Variants in AJAP1 observed in about 807,000 individuals in gnomAD.
The protein encoded by AJAP1 is adherens junctions associated protein 1.
AJAP1 carries 5 observed loss-of-function variants against 35.0 expected under a neutral mutation model. The ratio of observed to expected loss-of-function variants is 0.14; its 90% CI spans 0.07 to 0.30. AJAP1 has a LOEUF of 0.30. Ranked by LOEUF, AJAP1 falls within the 10% of genes least tolerant of loss-of-function variation. The pLI is 1.00. For missense variants in AJAP1, 586 were observed against 571.0 expected (o/e 1.03, Z -0.27); for synonymous variants, 284 against 249.3 (o/e 1.14, Z -1.31).
intron 2 of AJAP1, among the ~76,000 whole-genome samples, chr1:4,757,531 G>T (rs1266361687): frequency 6.6e-6 from 1 of 152,240 alleles, no homozygotes; most frequent in Non-Finnish European, 1.5e-5. Context: ...CCTGGCATGA[G>T]TGTGGCTGGA....
At chr1:4,701,194 G>T (rs1639980274) in intron 1 of AJAP1, among the ~76,000 whole-genome samples, 1 of 152,254 alleles carries the variant, frequency 6.6e-6, no homozygotes, top group Non-Finnish European at 1.5e-5. Context: ...GGGGAAAGGG[G>T]ATGGGAGTGG....
intron 2 of AJAP1, among the ~76,000 whole-genome samples, chr1:4,716,033 T>C (rs1215460574): frequency 6.6e-6 from 1 of 152,272 alleles, no homozygotes; most frequent in Non-Finnish European, 1.5e-5. Context: ...TTATAAATTT[T>C]ATTTTTGTTT....
chr1:4,766,156 G>A (rs1641679356), intron 2 of AJAP1, among the ~76,000 whole-genome samples: 1 of 152,166 alleles, frequency 6.6e-6, no homozygotes, highest in Non-Finnish European at 1.5e-5. Flanking sequence ...GCCTGTTTTT[G>A]GAAATGAAGT....
chr1:4,655,173 CG>C lies in AJAP1; in HGVS notation c.-251del, dbSNP rs1638848333. The C allele has an allele frequency of 1.3e-5, 2 of 148,788 alleles. No individual in the cohort carries two copies. Among genetic ancestry groups the C allele is most frequent in the Non-Finnish European group, 1.5e-5 (1 of 67,052 alleles). 9.2% of individuals were successfully genotyped at this position (148,788 alleles called of 1,614,324 possible). A position where few individuals can be genotyped will look rare whatever the true frequency, so the allele number is the denominator to read the frequency against. ...GGAGGGGGCCGCGAGCCCCGCGCCCCGGCCGGAGGATGTGCGCCCCCGCGGG... is the reference window on the plus strand; with the variant it reads ...GGAGGGGGCCGCGAGCCCCGCGCCCCGCCGGAGGATGTGCGCCCCCGCGGG... On this transcript the variant is annotated 5_prime_UTR_variant, in exon 1 of 6. Coordinates refer to ENST00000378191, the MANE Select transcript of AJAP1 (RefSeq NM_018836.4). This position sits in a 1 kb window ranked among gnomAD's most constrained non-coding sequence, Gnocchi z 6.9.
chr1:4,715,106 A>G (rs994576481), intron 2 of AJAP1, among the ~76,000 whole-genome samples: 6 of 152,182 alleles, frequency 3.9e-5, no homozygotes, highest in Admixed American at 3.3e-4. Flanking sequence ...CAGAGGGCTG[A>G]ACTCCCTGGA....
At chr1:4,698,990 A>G (rs2071998) in intron 1 of AJAP1, among the ~76,000 whole-genome samples, 8,990 of 152,216 alleles carry the variant, frequency 0.059, 597 homozygotes, top group East Asian at 0.36. Context: ...GTGCACCTGC[A>G]GCTGTGTACC....
At chr1:4,755,889 C>T (rs1641419362) in intron 2 of AJAP1, among the ~76,000 whole-genome samples, 1 of 152,016 alleles carries the variant, frequency 6.6e-6, no homozygotes, top group African/African-American at 2.4e-5. Context: ...ACCCACCTAA[C>T]AGGGTTCTTG....
chr1:4,750,918 C>A (rs1359060053), intron 2 of AJAP1, among the ~76,000 whole-genome samples: 3 of 149,800 alleles, frequency 2.0e-5, no homozygotes, highest in Non-Finnish European at 4.4e-5. Flanking sequence ...GACCTCCAAT[C>A]CCCTGACCTG....
At chr1:4,780,633 CTTT>C (rs35738488) in intron 5 of AJAP1, among the ~76,000 whole-genome samples, 1 of 131,450 alleles carries the variant, frequency 7.6e-6, no homozygotes. Flanking sequence ...TTCTTTCTTT[CTTT>C]TTTTTTTTTT....
chr1:4,658,661 C>A (rs574139241), intron 1 of AJAP1, among the ~76,000 whole-genome samples: 2 of 152,340 alleles, frequency 1.3e-5, no homozygotes, highest in African/African-American at 4.8e-5. Context: ...GGTACATACC[C>A]CCCTTTCATG....
At chr1:4,694,502 A>G (rs1343324002) in intron 1 of AJAP1, among the ~76,000 whole-genome samples, 3 of 152,234 alleles carry the variant, frequency 2.0e-5, no homozygotes, top group African/African-American at 7.2e-5. Flanking sequence ...TCAGGGGGAC[A>G]GACACCGTCC....
At position 4,778,102 on chromosome 1, in the gene AJAP1, C is replaced by CGCCA. The variant is rs558123231; in HGVS notation, c.*59+3545_*59+3548dup. Among the ~76,000 whole-genome samples the CGCCA allele has an allele frequency of 1.6e-4, 24 of 152,312 alleles. 1 individual carries two copies. In the East Asian group the frequency reaches 4.4e-3, roughly 28 times the overall value. The stretch of plus-strand genomic sequence containing the variant: ...CAGACAGTGGTCATTACACCCAGTG[C>CGCCA]GCCACTGCGTAGCATGCAGCCCAGT... On this transcript the variant is annotated intron_variant, in intron 5 of 5. Coordinates refer to ENST00000378191, the MANE Select transcript of AJAP1 (RefSeq NM_018836.4).
intron 5 of AJAP1, among the ~76,000 whole-genome samples, chr1:4,779,511 G>A (rs963974080): frequency 6.6e-6 from 1 of 152,014 alleles, no homozygotes; most frequent in Non-Finnish European, 1.5e-5. Flanking sequence ...CCAGACAGAC[G>A]CAATGGTTGG....
At chr1:4,676,134 T>A (rs1479418298) in intron 1 of AJAP1, among the ~76,000 whole-genome samples, 1 of 152,082 alleles carries the variant, frequency 6.6e-6, no homozygotes, top group Non-Finnish European at 1.5e-5. Flanking sequence ...CCCCGGCGAG[T>A]TCATGATGCC....
intron 4 of AJAP1, among the ~76,000 whole-genome samples, chr1:4,773,891 G>A (rs970216126): frequency 6.6e-6 from 1 of 152,202 alleles, no homozygotes; most frequent in Non-Finnish European, 1.5e-5. Flanking sequence ...CGCACAGCTG[G>A]TGCTCTCGTG....
In AJAP1 at chr1:4,712,197, C is replaced by A. The variant is rs2100266622; in HGVS notation, c.327C>A (p.Ala109=). 2 of 1,563,918 alleles carry A rather than the reference C, an allele frequency of 1.3e-6. No homozygotes were observed. The highest frequency in any genetic ancestry group is 4.6e-5 in the East Asian group (2 of 43,312). ...RRAHRPRDQA[A]ALVPKAGLAK... The stretch of plus-strand genomic sequence containing the variant: ...CCCACAGGCCCCGGGACCAGGCGGC[C>A]GCCCTCGTGCCCAAGGCAGGACTGG... The change falls in exon 2 of 6, where the codon GCC becomes GCA. Residue 109 remains alanine, a synonymous_variant. Transcript: ENST00000378191.
At chr1:4,679,742 C>G (rs894963122) in intron 1 of AJAP1, among the ~76,000 whole-genome samples, 1 of 151,568 alleles carries the variant, frequency 6.6e-6, no homozygotes, top group Non-Finnish European at 1.5e-5. Context: ...CACATGTGTC[C>G]TTGCCTCTTC....
chr1:4,753,571 C>CTGTTTT (rs1367825749), intron 2 of AJAP1, among the ~76,000 whole-genome samples: 1 of 151,946 alleles, frequency 6.6e-6, no homozygotes, highest in South Asian at 2.1e-4. Flanking sequence ...ATATTAATCG[C>CTGTTTT]TGTTTTTGTT....
chr1:4,689,138 T>C (rs566315774), intron 1 of AJAP1, among the ~76,000 whole-genome samples: 16 of 152,070 alleles, frequency 1.1e-4, no homozygotes, highest in Non-Finnish European at 2.1e-4. Context: ...GTAGAGGGAA[T>C]GGGTGTCCAG....
Sources: allele counts gnomAD v4.1 joint callset (sites outside exome capture counted in the v4.1 genomes callset), GRCh38; gene constraint gnomAD v4.1.1; non-coding constraint Gnocchi (gnomAD v3.1); transcripts MANE v1.5; gene names NCBI Gene and HGNC (gene_info 2026-07-23, HGNC 2026-07-21).